MIOS: variants seen among roughly 807,000 people sequenced by gnomAD.
MIOS encodes the protein GATOR2 complex protein MIOS.
MIOS carries 52 observed loss-of-function variants against 96.9 expected under a neutral mutation model. That is an observed-to-expected ratio of 0.54 (90% CI 0.43 to 0.68). The LOEUF (loss-of-function observed/expected upper bound fraction) is 0.68, where lower values mean the gene tolerates loss of function less well. Ranked by LOEUF, MIOS falls within the 30% of genes least tolerant of loss-of-function variation. MIOS has a pLI of 0.00. For synonymous variants in MIOS, 397 were observed against 359.5 expected (o/e 1.10, Z -1.18); for missense variants, 1,005 against 1,052.8 (o/e 0.95, Z 0.63).
intron 6 of MIOS, 23 bp from the exon 7 acceptor site, chr7:7,585,613 A>C: frequency 1.9e-6 from 3 of 1,559,896 alleles, no homozygotes; most frequent in Non-Finnish European, 2.6e-6. Flanking sequence ...CACTTTGATT[A>C]GCTGGCTGTT....
chr7:7,605,317 CAA>C (rs1011643715), intron 11 of MIOS: 35 of 143,664 alleles, frequency 2.4e-4, no homozygotes, highest in African/African-American at 8.7e-4. Context: ...TTTTTTGAGA[CAA>C]AGTCTTGCTC....
At chr7:7,606,938 A>C in intron 12 of MIOS, 58 bp from the exon 13 acceptor site, 1 of 1,280,192 alleles carries the variant, frequency 7.8e-7, no homozygotes. Flanking sequence ...TAAATAAATA[A>C]ATAAATGTAT....
Position 7,588,537 on chromosome 7 carries a change from G to T in MIOS, c.1858G>T (p.Ala620Ser). 1 of 1,592,844 alleles carries T rather than the reference G, an allele frequency of 6.3e-7. No homozygotes were observed. The highest frequency in any genetic ancestry group is 8.6e-7 in the Non-Finnish European group (1 of 1,168,392). ...TGCAGTACGTGACAGAGTGGCATTT[G>T]CTTGTAAATTCCTTAGTGATACTCA... ...KVAVRDRVAF[A>S]CKFLSDTQLN... The change falls in exon 8 of 13, where the codon GCT (alanine) becomes TCT (serine). Residue 620 changes from alanine to serine, a missense_variant. Transcript: ENST00000340080.
At position 7,566,949 on chromosome 7, in the gene MIOS, C is replaced by G. The variant is rs1187700031; in HGVS notation, c.-344C>G. The G allele has an allele frequency of 6.6e-6, 1 of 151,614 alleles. No homozygotes were observed. Among genetic ancestry groups the G allele is most frequent in the African/African-American group, 2.4e-5 (1 of 41,368 alleles). The allele number at this position is 151,614 out of a possible 1,614,324, so 9.4% of individuals were successfully genotyped here. On this transcript the variant is annotated 5_prime_UTR_variant, in exon 1 of 13. Coordinates refer to ENST00000340080, the MANE Select transcript of MIOS (RefSeq NM_019005.4). Reference sequence around the variant, plus strand: ...TGGTGGTGGGGTCGTGGGTCCCAGCCCAGTGGTCCAGGTCACGGGCCGCAC... The same window carrying G: ...TGGTGGTGGGGTCGTGGGTCCCAGCGCAGTGGTCCAGGTCACGGGCCGCAC...
At chr7:7,586,203 T>G (rs955854250) in intron 7 of MIOS, among the ~76,000 whole-genome samples, 1 of 151,268 alleles carries the variant, frequency 6.6e-6, no homozygotes, top group African/African-American at 2.4e-5. Flanking sequence ...TGTAGTTAAA[T>G]AAAACAACTC....
rs531477780 is a variant in MIOS, at chr7:7,573,693, A to G, written c.1218A>G (p.Thr406=). The change falls in exon 4 of 13, where the codon ACA becomes ACG. Residue 406 remains threonine (T), a synonymous_variant. Transcript: ENST00000340080. The surrounding 1 kb of genome is among the most constrained non-coding windows in gnomAD (Gnocchi z 5.0). ...CTTTATCAAGGTATGGACTTGATAC[A>G]GAGCAGGTGTGGAGGAACCACATTT... The part of the protein sequence containing the change: ...LRALSRYGLD[T]EQVWRNHILA... 1.9e-6 allele frequency: 3 copies of G among 1,613,870 alleles called. No homozygotes were observed. Among genetic ancestry groups the G allele is most frequent in the African/African-American group, 2.7e-5 (2 of 75,044 alleles).
chr7:7,575,101 G>A, intron 5 of MIOS, among the ~76,000 whole-genome samples: 1 of 152,012 alleles, frequency 6.6e-6, no homozygotes, highest in South Asian at 2.1e-4. Flanking sequence ...CTGTGATCTA[G>A]GATTCGTTCT....
At chr7:7,578,041 G>A (rs1307777400) in intron 5 of MIOS, among the ~76,000 whole-genome samples, 1 of 152,174 alleles carries the variant, frequency 6.6e-6, no homozygotes, top group African/African-American at 2.4e-5. Flanking sequence ...AAAATATAAG[G>A]AAGTGAGATT....
Position 7,572,824 on chromosome 7 carries a change from A to G in MIOS, c.349A>G (p.Asn117Asp). ...EFVPKHARQC[N>D]TLAWNPLDSN... ...TGTTCCAAAACATGCACGACAATGT[A>G]ATACCCTTGCCTGGAATCCACTGGA... The change falls in exon 4 of 13, where the codon AAT becomes GAT. Residue 117 changes from asparagine (N) to aspartate (D), a missense_variant. Asn to Asp is a conservative substitution (Grantham distance 23). Transcript: ENST00000340080. This position sits in a 1 kb window ranked among gnomAD's most constrained non-coding sequence, Gnocchi z 4.8. 5.0e-6 allele frequency: 8 copies of G among 1,614,172 alleles called. No homozygotes were observed. Among genetic ancestry groups the G allele is most frequent in the Non-Finnish European group, 6.8e-6 (8 of 1,179,998 alleles).
In MIOS at chr7:7,608,155, T is replaced by C. The variant is rs1015187426; in HGVS notation, c.*1063T>C. On this transcript the variant is annotated 3_prime_UTR_variant, in exon 13 of 13. Coordinates refer to ENST00000340080, the MANE Select transcript of MIOS (RefSeq NM_019005.4). Reference sequence around the variant, plus strand: ...GTTACTGGGGCTAAGTCAGGTACTTTATTTAAAACATTTTTTTTTCTCATT... The same window carrying C: ...GTTACTGGGGCTAAGTCAGGTACTTCATTTAAAACATTTTTTTTTCTCATT... The C allele has an allele frequency of 4.0e-5, 2 of 49,950 alleles. No homozygotes were observed. Among genetic ancestry groups the C allele is most frequent in the African/African-American group, 7.8e-5 (1 of 12,846 alleles). The allele number at this position is 49,950 out of a possible 1,614,324, so 3.1% of individuals were successfully genotyped here. A position where few individuals can be genotyped will look rare whatever the true frequency, so the allele number is the denominator to read the frequency against.
At chr7:7,603,959 A>G (rs995070841) in intron 11 of MIOS, among the ~76,000 whole-genome samples, 3 of 151,936 alleles carry the variant, frequency 2.0e-5, no homozygotes, top group Non-Finnish European at 4.4e-5. Flanking sequence ...AACTATCGCA[A>G]GGACAAAAAT....
chr7:7,578,688 T>C (rs1329834987), intron 5 of MIOS, among the ~76,000 whole-genome samples: 1 of 152,076 alleles, frequency 6.6e-6, no homozygotes, highest in Non-Finnish European at 1.5e-5. Flanking sequence ...TGATTGCTGA[T>C]TTGAAAGAAA....
At position 7,572,050 on chromosome 7, in the gene MIOS, A is replaced by G. The variant is rs1583622145; in HGVS notation, c.-40-386A>G. Among the ~76,000 whole-genome samples, 1 of 152,328 alleles carries G rather than the reference A, an allele frequency of 6.6e-6. No individual in the cohort carries two copies. The highest frequency in any genetic ancestry group is 2.4e-5 in the African/African-American group (1 of 41,582). Reference sequence around the variant, plus strand: ...TTATTGGGCAGTGCTGCTTTAAACTATTGCTTAGGAATATGATTCATAAGT... The same window carrying G: ...TTATTGGGCAGTGCTGCTTTAAACTGTTGCTTAGGAATATGATTCATAAGT... On this transcript the variant is annotated intron_variant, in intron 3 of 12. Transcript: ENST00000340080. The surrounding 1 kb of genome is among the most constrained non-coding windows in gnomAD (Gnocchi z 4.8).
In MIOS at chr7:7,585,734, C is replaced by A. The variant is rs1356121622; in HGVS notation, c.1747C>A (p.Leu583Ile). The change falls in exon 7 of 13, where the codon CTA (leucine) becomes ATA (isoleucine). Residue 583 changes from leucine (L) to isoleucine (I), a missense_variant. By Grantham distance (5) the Leu-to-Ile change is conservative. Around this residue, in one of 3 missense-constraint regions of MIOS, gnomAD observed 865 missense variants for 887.9 expected, o/e 0.97. Coordinates refer to ENST00000340080, the MANE Select transcript of MIOS (RefSeq NM_019005.4). ...REMCSTLRLQ[L>I]NNPYLCVMFA... Reference sequence around the variant, plus strand: ...AATGTGTAGCACACTGCGATTACAGCTAAATAACCCGTATTTGTGTGTCAT... The same window carrying A: ...AATGTGTAGCACACTGCGATTACAGATAAATAACCCGTATTTGTGTGTCAT... 1 of 1,612,558 alleles carries A rather than the reference C, an allele frequency of 6.2e-7. No individual in the cohort carries two copies. The highest frequency in any genetic ancestry group is 8.5e-7 in the Non-Finnish European group (1 of 1,179,264).
chr7:7,595,268 T>C, intron 10 of MIOS, 136 bp downstream of exon 10: 1 of 920,928 alleles, frequency 1.1e-6, no homozygotes. Context: ...ACTTTGTCCT[T>C]GATCTTCCTG....
chr7:7,597,517 T>TATATATAAAAA (rs372634070), intron 11 of MIOS, among the ~76,000 whole-genome samples: 1 of 70,422 alleles, frequency 1.4e-5, no homozygotes, highest in Non-Finnish European at 2.7e-5. Flanking sequence ...TATATATATA[T>TATATATAAAAA]GAAGGCAATA....
chr7:7,586,499 A>G (rs1563028993), intron 7 of MIOS, among the ~76,000 whole-genome samples: 1 of 152,192 alleles, frequency 6.6e-6, no homozygotes, highest in Admixed American at 6.5e-5. Flanking sequence ...TCTTTGCACT[A>G]CTTGGCTTCT....
At chr7:7,605,334 A>G (rs1583663519) in intron 11 of MIOS, 2 of 148,700 alleles carry the variant, frequency 1.3e-5, no homozygotes, top group African/African-American at 5.0e-5. Flanking sequence ...TTGCTCCATC[A>G]CCCAGCCTGG....
In MIOS at chr7:7,573,015, G is replaced by A; in HGVS notation, c.540G>A (p.Glu180=). The A allele has an allele frequency of 6.2e-7, 1 of 1,614,064 alleles. No individual in the cohort carries two copies. Among genetic ancestry groups the A allele is most frequent in the South Asian group, 1.1e-5 (1 of 91,074 alleles). The change falls in exon 4 of 13, where the codon GAG becomes GAA. Residue 180 remains glutamate, a synonymous_variant. Coordinates refer to ENST00000340080, the MANE Select transcript of MIOS (RefSeq NM_019005.4). This position sits in a 1 kb window ranked among gnomAD's most constrained non-coding sequence, Gnocchi z 5.0. ...TTLLVTKPLY[E]LGQNDACLSL... ...TATTAGTAACAAAACCACTTTATGAGTTAGGACAGAATGATGCTTGTCTGT... is the reference window on the plus strand; with the variant it reads ...TATTAGTAACAAAACCACTTTATGAATTAGGACAGAATGATGCTTGTCTGT...
Sources: allele counts gnomAD v4.1 joint callset (sites outside exome capture counted in the v4.1 genomes callset), GRCh38; gene constraint gnomAD v4.1.1; regional missense constraint gnomAD v4.1.1; non-coding constraint Gnocchi (gnomAD v3.1); transcripts MANE v1.5; gene names NCBI Gene and HGNC (gene_info 2026-07-23, HGNC 2026-07-21).